NLRC3: variants seen among roughly 807,000 people sequenced by gnomAD.
NLRC3 encodes NLR family CARD domain containing 3.
Under a neutral mutation model 91.6 loss-of-function variants are expected in NLRC3, and 87 were observed. The ratio of observed to expected loss-of-function variants is 0.95; its 90% CI spans 0.80 to 1.14. The LOEUF is 1.14. Among genes scored for constraint, NLRC3 ranks in the 50% most tolerant of loss-of-function variants. NLRC3 has a pLI of 0.00. For synonymous variants in NLRC3, 694 were observed against 625.3 expected (o/e 1.11, Z -1.64); for missense variants, 1,577 against 1,418.6 (o/e 1.11, Z -1.79).
Position 3,564,298 on chromosome 16 carries a change from C to A in NLRC3, c.639G>T (p.Arg213Ser). 1 of 1,611,712 alleles carries A rather than the reference C, an allele frequency of 6.2e-7. No individual in the cohort carries two copies. Among genetic ancestry groups the A allele is most frequent in the Non-Finnish European group, 8.5e-7 (1 of 1,179,536 alleles). Residue 213 changes from arginine to serine, a missense_variant, in exon 5 of 20, where the codon AGG becomes AGT. Coordinates refer to ENST00000359128, the MANE Select transcript of NLRC3 (RefSeq NM_178844.4). This position sits in a 1 kb window ranked among gnomAD's most constrained non-coding sequence, Gnocchi z 5.9. ...EPSLAVAVPARALLILDGLDE... is the reference protein window; with the variant it reads ...EPSLAVAVPASALLILDGLDE... ...CCAAGCCGTCCAGGATCAGGAGGGC[C>A]CTGGCTGGGACTGCCACCGCCAGGC...
intron 8 of NLRC3, chr16:3,555,923 AAAAT>A (rs61481021): frequency 0.025 from 3,412 of 137,524 alleles, 62 homozygotes; most frequent in East Asian, 0.079. Flanking sequence ...CACCCTAATA[AAAAT>A]AAATAAATAA....
In NLRC3 at chr16:3,560,468, A is replaced by G. The variant is rs769984788; in HGVS notation, c.2015+1234T>C. On this transcript the variant is annotated intron_variant, in intron 6 of 19. Transcript: ENST00000359128. ...ATTAGCCCTTGGGTTCTCTTCTCCA[A>G]ACTCACCTCCCTAGGTCTGCAACAG... Among the ~76,000 whole-genome samples the G allele has an allele frequency of 8.7e-4, 132 of 152,112 alleles. 3 individuals carry two copies. The highest frequency in any genetic ancestry group is 2.8e-3 in the Admixed American group (43 of 15,272).
chr16:3,575,617 G>A (rs1055903416), intron 1 of NLRC3, among the ~76,000 whole-genome samples: 2 of 152,212 alleles, frequency 1.3e-5, no homozygotes, highest in Non-Finnish European at 2.9e-5. Context: ...GTGAGCGAAG[G>A]TGAACCTGAG....
chr16:3,565,674 G>C (rs1316665498), intron 2 of NLRC3, among the ~76,000 whole-genome samples: 1 of 152,004 alleles, frequency 6.6e-6, no homozygotes, highest in Non-Finnish European at 1.5e-5. Flanking sequence ...ACATGACTCT[G>C]TAGGGTACTA....
At chr16:3,562,918 A>G (rs1236893926) in intron 5 of NLRC3, 91 bp downstream of exon 5, 1 of 1,160,536 alleles carries the variant, frequency 8.6e-7, no homozygotes. Flanking sequence ...GCCCTAGGAG[A>G]CTGACAGAGA....
chr16:3,560,652 G>A (rs935400545), intron 6 of NLRC3, among the ~76,000 whole-genome samples: 2 of 152,038 alleles, frequency 1.3e-5, no homozygotes, highest in Non-Finnish European at 2.9e-5. Context: ...TGTTTGTTTT[G>A]TTCTTTTTTG....
chr16:3,542,301 C>G, intron 18 of NLRC3, 27 bp from the exon 19 acceptor site: 4 of 1,413,564 alleles, frequency 2.8e-6, no homozygotes, highest in East Asian at 2.4e-5. Context: ...TGGAGACACA[C>G]GGTGAGCCAT....
At position 3,563,663 on chromosome 16, in the gene NLRC3, A is replaced by G. The variant is rs2039726447; in HGVS notation, c.1274T>C (p.Val425Ala). The change falls in exon 5 of 20, where the codon GTA becomes GCA. Residue 425 changes from valine to alanine, a missense_variant. By Grantham distance (64) the Val-to-Ala change is moderately conservative (BLOSUM62 0). Coordinates refer to ENST00000359128, the MANE Select transcript of NLRC3 (RefSeq NM_178844.4). ...GGCGCCCTGCAGCAGAGCGAGGTCT[A>G]CACCAAACGCCTTCATGTCTTGCTC... is the stretch of plus-strand genomic sequence containing the variant. Reference protein sequence around the residue: ...FYEQDMKAFGVDLALLQGAPC... With the variant: ...FYEQDMKAFGADLALLQGAPC... 3 of 1,613,622 alleles carry G rather than the reference A, an allele frequency of 1.9e-6. No individual in the cohort carries two copies. Among genetic ancestry groups the G allele is most frequent in the African/African-American group, 2.7e-5 (2 of 74,936 alleles).
In NLRC3 at chr16:3,563,342, GA is replaced by G; in HGVS notation, c.1594del (p.Ser532ProfsTer64). The G allele has an allele frequency of 6.3e-7, 1 of 1,592,714 alleles. No individual in the cohort carries two copies. The highest frequency in any genetic ancestry group is 8.5e-7 in the Non-Finnish European group (1 of 1,170,714). The stretch of plus-strand genomic sequence containing the variant: ...CTGGTGCTCGCCTTGGGCCAGCAGG[GA>G]GCCGGCCAGGAGGGCATTGACCCTC... ...SPRVNALLAG[S>X]LLAQGEHQAY... On this transcript the variant is annotated frameshift_variant, in exon 5 of 20. Coordinates refer to ENST00000359128, the MANE Select transcript of NLRC3 (RefSeq NM_178844.4). LOFTEE classifies it high-confidence loss of function.
chr16:3,564,735 T>C lies in NLRC3; in HGVS notation c.202A>G (p.Lys68Glu). The change falls in exon 5 of 20, where the codon AAG becomes GAG. Residue 68 changes from lysine to glutamate, a missense_variant. Transcript: ENST00000359128. The surrounding 1 kb of genome is among the most constrained non-coding windows in gnomAD (Gnocchi z 5.9). ...CCTCCCACCTTGCTCAGCAGGGCCT[T>C]GCGGTGCCTCTGTATCCTTGAGTCT... is the stretch of plus-strand genomic sequence containing the variant. ...SNDSRIQRHR[K>E]ALLSKVGGGP... 6.3e-7 allele frequency: 1 copy of C among 1,588,566 alleles called. No individual in the cohort carries two copies.
chr16:3,568,619 C>G (rs1404062993), intron 1 of NLRC3, among the ~76,000 whole-genome samples: 1 of 152,018 alleles, frequency 6.6e-6, no homozygotes, highest in Admixed American at 6.6e-5. Context: ...CCCAGCTACT[C>G]AGTAGGCTGA....
At chr16:3,548,261 A>G (rs576355873) in intron 14 of NLRC3, 43 bp from the exon 15 acceptor site, 16 of 1,485,768 alleles carry the variant, frequency 1.1e-5, no homozygotes, top group East Asian at 4.8e-5. Flanking sequence ...CTATGTGACT[A>G]TGTGGCCCTG....
intron 1 of NLRC3, among the ~76,000 whole-genome samples, chr16:3,574,807 C>T (rs1372381155): frequency 6.6e-6 from 1 of 152,062 alleles, no homozygotes; most frequent in Non-Finnish European, 1.5e-5. Flanking sequence ...ACGAAAAATA[C>T]AAACATTAGC....
chr16:3,563,867 G>A lies in NLRC3; in HGVS notation c.1070C>T (p.Pro357Leu), dbSNP rs779829977. Residue 357 changes from proline (P) to leucine (L), a missense_variant, in exon 5 of 20, where the codon CCG becomes CTG. By Grantham distance (98) the Pro-to-Leu change is moderately conservative (BLOSUM62 -3). Transcript: ENST00000359128. ...TGPQDAELWP[P>L]RTLCELYSWY... ...TGAGTAGAGCTCGCACAGGGTCCTC[G>A]GGGGCCACAGCTCTGCATCCTGGGG... 1.0e-5 allele frequency: 16 copies of A among 1,602,908 alleles called. No individual in the cohort carries two copies. The East Asian group carries it at 1.1e-4, about 11-fold the overall frequency.
chr16:3,575,304 C>T (rs2040243782), intron 1 of NLRC3, among the ~76,000 whole-genome samples: 1 of 152,224 alleles, frequency 6.6e-6, no homozygotes, highest in Non-Finnish European at 1.5e-5. Flanking sequence ...GCCCTGCACG[C>T]AGCCCTAACA....
chr16:3,548,253 A>T, intron 14 of NLRC3, 35 bp from the exon 15 acceptor site: 2 of 1,501,716 alleles, frequency 1.3e-6, no homozygotes, highest in African/African-American at 1.4e-5. Context: ...CTATGTGACT[A>T]TGTGACTATG....
intron 9 of NLRC3, 66 bp from the exon 10 acceptor site, chr16:3,552,345 T>C: frequency 8.3e-7 from 1 of 1,206,270 alleles, no homozygotes; most frequent in Non-Finnish European, 1.2e-6. Flanking sequence ...CCAAGGACGG[T>C]TCAGGTTCAA....
At chr16:3,554,734 T>C (rs1461079593) in intron 8 of NLRC3, among the ~76,000 whole-genome samples, 1 of 152,154 alleles carries the variant, frequency 6.6e-6, no homozygotes, top group Non-Finnish European at 1.5e-5. Flanking sequence ...TAAACATGGG[T>C]TGACCATGTG....
rs764123592 is a variant in NLRC3 at position 3,563,366 on chromosome 16, C to G, written c.1571G>C (p.Arg524Thr). 8 of 1,587,674 alleles carry G rather than the reference C, an allele frequency of 5.0e-6. No homozygotes were observed. The African/African-American group carries it at 8.1e-5, about 16-fold the overall frequency. Residue 524 changes from arginine (R) to threonine (T), a missense_variant, in exon 5 of 20, where the codon AGG becomes ACG. Physicochemically the swap from Arg to Thr is moderately conservative, Grantham distance 71. Transcript: ENST00000359128. ...GGAGCCGGCCAGGAGGGCATTGACC[C>G]TCGGAGACAAGAGGCCGGAGAGGAA... ...LRFLSGLLSP[R>T]VNALLAGSLL...
Sources: allele counts gnomAD v4.1 joint callset (sites outside exome capture counted in the v4.1 genomes callset), GRCh38; gene constraint gnomAD v4.1.1; non-coding constraint Gnocchi (gnomAD v3.1); transcripts MANE v1.5; gene names NCBI Gene and HGNC (gene_info 2026-07-23, HGNC 2026-07-21).